The following NXPH1 variants were observed in gnomAD, a reference collection of about 807,000 sequenced individuals.
NXPH1 encodes neurexophilin-1.
NXPH1 carries 5 observed loss-of-function variants against 23.7 expected under a neutral mutation model. That is an observed-to-expected ratio of 0.21 (90% confidence interval 0.11 to 0.44). NXPH1 has a LOEUF of 0.44. Among genes scored for constraint, NXPH1 ranks in the 20% least tolerant of loss-of-function variants. The pLI, the probability that NXPH1 is intolerant of heterozygous loss-of-function variation, is 0.99. For synonymous variants in NXPH1, 144 were observed against 122.2 expected (o/e 1.18, Z -1.18); for missense variants, 324 against 321.6 (o/e 1.01, Z -0.06).
At chr7:8,668,556 A>C (rs1011153563) in intron 2 of NXPH1, among the ~76,000 whole-genome samples, 1 of 152,112 alleles carries the variant, frequency 6.6e-6, no homozygotes, top group East Asian at 1.9e-4. Flanking sequence ...GATTGAGTCC[A>C]TGGGGGTGGG....
intron 2 of NXPH1, among the ~76,000 whole-genome samples, chr7:8,630,860 A>T (rs944603347): frequency 5.9e-5 from 9 of 152,068 alleles, no homozygotes. Context: ...GTTGTACAGG[A>T]TATTTCATCA....
At chr7:8,584,855 A>G (rs1302460845) in intron 2 of NXPH1, among the ~76,000 whole-genome samples, 1 of 152,204 alleles carries the variant, frequency 6.6e-6, no homozygotes, top group Non-Finnish European at 1.5e-5. Context: ...TCACAATCTT[A>G]CATTACTTTG....
chr7:8,440,579 A>G, intron 2 of NXPH1, among the ~76,000 whole-genome samples: 1 of 152,144 alleles, frequency 6.6e-6, no homozygotes, highest in Non-Finnish European at 1.5e-5. Context: ...ATAGGTGCCC[A>G]GTGTCCTATT....
chr7:8,445,910 C>T (rs1467907089), intron 2 of NXPH1, among the ~76,000 whole-genome samples: 1 of 152,198 alleles, frequency 6.6e-6, no homozygotes, highest in Non-Finnish European at 1.5e-5. Flanking sequence ...AGAGGAACTA[C>T]AATGGCATGA....
chr7:8,452,050 C>T (rs1816515646), intron 2 of NXPH1, among the ~76,000 whole-genome samples: 1 of 152,154 alleles, frequency 6.6e-6, no homozygotes, highest in African/African-American at 2.4e-5. Context: ...AGAAAACTGA[C>T]TGATTAGCCA....
intron 2 of NXPH1, among the ~76,000 whole-genome samples, chr7:8,506,975 T>C (rs1340666751): frequency 6.7e-6 from 1 of 149,158 alleles, no homozygotes; most frequent in African/African-American, 2.6e-5. Flanking sequence ...TGTGACATGA[T>C]CAGATTTGCA....
At chr7:8,489,562 A>G (rs1210942230) in intron 2 of NXPH1, among the ~76,000 whole-genome samples, 1 of 152,086 alleles carries the variant, frequency 6.6e-6, no homozygotes, top group Non-Finnish European at 1.5e-5. Flanking sequence ...TGATTCATTC[A>G]TGAGACCCTG....
chr7:8,560,022 T>C (rs1818414790), intron 2 of NXPH1, among the ~76,000 whole-genome samples: 1 of 151,710 alleles, frequency 6.6e-6, no homozygotes, highest in African/African-American at 2.4e-5. Flanking sequence ...TCTTTAGGCA[T>C]TATTTATGAA....
intron 2 of NXPH1, among the ~76,000 whole-genome samples, chr7:8,654,795 A>G (rs1208216498): frequency 6.6e-6 from 1 of 152,150 alleles, no homozygotes. Flanking sequence ...GGTTCATTCT[A>G]TCTGAGCTGG....
Position 8,751,362 on chromosome 7 carries a change from A to G in NXPH1, c.409A>G (p.Ile137Val). The G allele has an allele frequency of 1.2e-6, 2 of 1,613,930 alleles. No homozygotes were observed. Among genetic ancestry groups the G allele is most frequent in the East Asian group, 4.5e-5 (2 of 44,884 alleles). ...CAAAACAGTGAAGCTGAACCTGTTG[A>G]TAACTGGGAAAATTGTAGATCATGG... ...NIKTVKLNLL[I>V]TGKIVDHGNG... The change falls in exon 3 of 3, where the codon ATA becomes GTA. Residue 137 changes from isoleucine (I) to valine (V), a missense_variant. Transcript: ENST00000405863. The surrounding 1 kb of genome is among the most constrained non-coding windows in gnomAD (Gnocchi z 4.5).
chr7:8,540,775 A>C (rs1254474078), intron 2 of NXPH1, among the ~76,000 whole-genome samples: 2 of 151,728 alleles, frequency 1.3e-5, no homozygotes, highest in Admixed American at 6.6e-5. Flanking sequence ...ACACAGTGCC[A>C]GCAATAGTGC....
chr7:8,747,519 T>A (rs182765614), intron 2 of NXPH1, among the ~76,000 whole-genome samples: 1 of 152,342 alleles, frequency 6.6e-6, no homozygotes, highest in East Asian at 1.9e-4. Context: ...TGAAAGCATC[T>A]CAATACAGCC....
chr7:8,486,765 T>G (rs1314384584), intron 2 of NXPH1, among the ~76,000 whole-genome samples: 1 of 152,144 alleles, frequency 6.6e-6, no homozygotes, highest in Non-Finnish European at 1.5e-5. Flanking sequence ...CCTCATAATT[T>G]TTGGTGTGCA....
intron 2 of NXPH1, among the ~76,000 whole-genome samples, chr7:8,467,053 A>T (rs1007516451): frequency 6.6e-6 from 1 of 152,192 alleles, no homozygotes; most frequent in Non-Finnish European, 1.5e-5. Flanking sequence ...TGCAAGAAAT[A>T]TACAGCAGCT....
chr7:8,501,693 G>T (rs1395450770), intron 2 of NXPH1, among the ~76,000 whole-genome samples: 1 of 152,060 alleles, frequency 6.6e-6, no homozygotes. Flanking sequence ...TTTAGAGCAA[G>T]GAGCAAGTAC....
At chr7:8,678,648 G>T (rs1820993531) in intron 2 of NXPH1, among the ~76,000 whole-genome samples, 1 of 151,988 alleles carries the variant, frequency 6.6e-6, no homozygotes, top group Non-Finnish European at 1.5e-5. Flanking sequence ...CAAGTCACAG[G>T]CTCCTACGGG....
intron 2 of NXPH1, among the ~76,000 whole-genome samples, chr7:8,532,306 A>G (rs1214310445): frequency 6.6e-6 from 1 of 152,160 alleles, no homozygotes; most frequent in Non-Finnish European, 1.5e-5. Flanking sequence ...CTATGTATCA[A>G]TTCATCCAGT....
At chr7:8,479,032 G>A (rs969420405) in intron 2 of NXPH1, among the ~76,000 whole-genome samples, 3 of 152,058 alleles carry the variant, frequency 2.0e-5, no homozygotes, top group Non-Finnish European at 4.4e-5. Context: ...TGGAGATATT[G>A]TCATAAGAAC....
rs144136236 is a variant in NXPH1 at position 8,493,206 on chromosome 7, T to A, written c.54+57439T>A. ...ATGGGATTTTCTGCCCCCCAAATAATGTGAGGACAATGGTTAGTTCACCTG... is the reference window on the plus strand; with the variant it reads ...ATGGGATTTTCTGCCCCCCAAATAAAGTGAGGACAATGGTTAGTTCACCTG... On this transcript the variant is annotated intron_variant, in intron 2 of 2. Coordinates refer to ENST00000405863, the MANE Select transcript of NXPH1 (RefSeq NM_152745.3). Among the ~76,000 whole-genome samples the A allele has an allele frequency of 1.9e-3, 294 of 152,120 alleles. 1 individual carries two copies. Among genetic ancestry groups the A allele is most frequent in the African/African-American group, 6.7e-3 (280 of 41,544 alleles).
Sources: gnomAD v4.1 joint callset for allele counts (sites outside exome capture counted in the v4.1 genomes callset) on GRCh38, gnomAD v4.1.1 for gene constraint, Gnocchi (gnomAD v3.1) non-coding constraint, MANE v1.5 for transcripts, NCBI Gene and HGNC (gene_info 2026-07-23, HGNC 2026-07-21) for gene names.